The following AKAP9 variants were observed in gnomAD, a reference collection of about 807,000 sequenced individuals.
AKAP9 encodes the protein A-kinase anchoring protein 9, also known as A-kinase anchor protein 9.
Under a neutral mutation model 488.5 loss-of-function variants are expected in AKAP9, and 311 were observed. That is an observed-to-expected ratio of 0.64 (90% confidence interval 0.58 to 0.70). The LOEUF (loss-of-function observed/expected upper bound fraction) is 0.70, where lower values mean the gene tolerates loss of function less well. Ranked by LOEUF, AKAP9 falls within the 30% of genes least tolerant of loss-of-function variation. The probability of loss-of-function intolerance (pLI) is 0.00; values close to 1 mark genes in which losing one functional copy is unlikely to be tolerated. For synonymous variants in AKAP9, 1,462 were observed against 1,483.5 expected (o/e 0.99, Z 0.33); for missense variants, 4,215 against 4,374.5 (o/e 0.96, Z 1.03).
At position 92,066,486 on chromosome 7, in the gene AKAP9, A is replaced by C. The variant is rs1205013152; in HGVS notation, c.6270A>C (p.Leu2090=). ...TATTCCAACAGGAAATACAGAAACT[A>C]GAACAGCAACTTAAGGTTGTTCCTC... The part of the protein sequence containing the change: ...RDVFQQEIQK[L]EQQLKVVPRF... The change falls in exon 26 of 50, where the codon CTA becomes CTC. Residue 2090 remains leucine, a synonymous_variant. Coordinates refer to ENST00000356239, the MANE Select transcript of AKAP9 (RefSeq NM_005751.5). 2 of 1,613,478 alleles carry C rather than the reference A, an allele frequency of 1.2e-6. No homozygotes were observed. The highest frequency in any genetic ancestry group is 1.7e-6 in the Non-Finnish European group (2 of 1,179,660).
intron 21 of AKAP9, among the ~76,000 whole-genome samples, chr7:92,047,963 C>T (rs933559005): frequency 1.3e-5 from 2 of 152,056 alleles, no homozygotes; most frequent in South Asian, 2.1e-4. Context: ...TACTGGGGGA[C>T]AGTTAATGGA....
intron 8 of AKAP9, among the ~76,000 whole-genome samples, chr7:92,004,450 C>T (rs1262814967): frequency 6.6e-6 from 1 of 152,196 alleles, no homozygotes; most frequent in African/African-American, 2.4e-5. Context: ...TATCCATGAG[C>T]ATGGAATGTT....
At chr7:92,069,205 T>A (rs952283287) in intron 26 of AKAP9, among the ~76,000 whole-genome samples, 1 of 152,246 alleles carries the variant, frequency 6.6e-6, no homozygotes, top group Admixed American at 6.5e-5. Flanking sequence ...ATATAGTCCA[T>A]AAAAGATTTA....
At chr7:92,091,894 C>T (rs1815703002) in intron 38 of AKAP9, 1 of 151,740 alleles carries the variant, frequency 6.6e-6, no homozygotes, top group Non-Finnish European at 1.5e-5. Context: ...AATGTTATTT[C>T]TGTCTCCTAA....
At chr7:92,103,630 G>C (rs1818001020) in intron 46 of AKAP9, among the ~76,000 whole-genome samples, 1 of 151,282 alleles carries the variant, frequency 6.6e-6, no homozygotes, top group Admixed American at 6.6e-5. Flanking sequence ...GGGAGGTGGA[G>C]CTTGCAGTGA....
In AKAP9 at chr7:92,042,142, G is replaced by C. The variant is rs1806214846; in HGVS notation, c.5014G>C (p.Glu1672Gln). 1 of 1,613,894 alleles carries C rather than the reference G, an allele frequency of 6.2e-7. No individual in the cohort carries two copies. The highest frequency in any genetic ancestry group is 1.3e-5 in the African/African-American group (1 of 74,932). Residue 1672 changes from glutamate (E) to glutamine (Q), a missense_variant, in exon 19 of 50, where the codon GAG (glutamate) becomes CAG (glutamine). By Grantham distance (29) the Glu-to-Gln change is conservative. Coordinates refer to ENST00000356239, the MANE Select transcript of AKAP9 (RefSeq NM_005751.5). Reference protein sequence around the residue: ...ALKQLSLAGREKLCCELRNSS... With the variant: ...ALKQLSLAGRQKLCCELRNSS... The stretch of plus-strand genomic sequence containing the variant: ...AAAGCAGCTGTCTTTAGCTGGAAGA[G>C]AGAAGCTGTGTTGTGAGCTGCGCAA...
At chr7:92,103,571 T>C (rs1817984246) in intron 46 of AKAP9, among the ~76,000 whole-genome samples, 1 of 151,528 alleles carries the variant, frequency 6.6e-6, no homozygotes, top group South Asian at 2.1e-4. Context: ...GGCGGGTGCC[T>C]GTAGTCCCAG....
chr7:92,018,395 A>AACACACACACACACACACAC (rs56394853), intron 12 of AKAP9, among the ~76,000 whole-genome samples: 25 of 120,686 alleles, frequency 2.1e-4, no homozygotes, highest in East Asian at 1.5e-3. Context: ...CTAAAAATAT[A>AACACACACACACACACACAC]ACACACACAC....
chr7:92,011,058 C>T (rs537114310), intron 8 of AKAP9, among the ~76,000 whole-genome samples: 231 of 152,068 alleles, frequency 1.5e-3, no homozygotes, highest in African/African-American at 5.3e-3. Flanking sequence ...ATTTCTTAAC[C>T]GCAGTAATTG....
intron 1 of AKAP9, among the ~76,000 whole-genome samples, chr7:91,963,481 GTCACAC>G (rs1398618419): frequency 8.6e-6 from 1 of 115,640 alleles, no homozygotes; most frequent in Non-Finnish European, 1.8e-5. Context: ...TAACATATTT[GTCACAC>G]ACACACACAC....
intron 22 of AKAP9, among the ~76,000 whole-genome samples, chr7:92,054,946 G>C (rs1808543264): frequency 6.6e-6 from 1 of 152,000 alleles, no homozygotes; most frequent in South Asian, 2.1e-4. Context: ...TTATCTTTGA[G>C]AGTGTGGTTT....
intron 38 of AKAP9, among the ~76,000 whole-genome samples, chr7:92,091,804 A>C (rs1428132847): frequency 6.6e-6 from 1 of 152,188 alleles, no homozygotes; most frequent in Non-Finnish European, 1.5e-5. Flanking sequence ...TTAATGTCAC[A>C]GATTCACATT....
chr7:91,963,136 A>T (rs201173207), intron 1 of AKAP9, among the ~76,000 whole-genome samples: 2 of 152,272 alleles, frequency 1.3e-5, no homozygotes, highest in East Asian at 3.9e-4. Flanking sequence ...CCATTTACAG[A>T]TAATATATTT....
Position 92,102,736 on chromosome 7 carries a change from C to T in AKAP9, c.11240C>T (p.Pro3747Leu), listed in dbSNP as rs373321787. 2.2e-5 allele frequency: 36 copies of T among 1,614,046 alleles called. No individual in the cohort carries two copies. The highest frequency in any genetic ancestry group is 2.9e-5 in the Non-Finnish European group (34 of 1,180,030). ...CTGCTTGCCCGGATGGGGGGGCAGC[C>T]AGCTTTCACGGATCTAGAGGTGATC... ...LALLARMGGQ[P>L]AFTDLEVITN... The change falls in exon 46 of 50, where the codon CCA (proline) becomes CTA (leucine). Residue 3747 changes from proline (P) to leucine (L), a missense_variant. Physicochemically the swap from Pro to Leu is moderately conservative, Grantham distance 98. Transcript: ENST00000356239.
At chr7:91,973,547 A>C in intron 1 of AKAP9, 164 bp from the exon 2 acceptor site, 3 of 736,594 alleles carry the variant, frequency 4.1e-6, no homozygotes, top group Non-Finnish European at 6.6e-6. Flanking sequence ...GTTTCTTTGC[A>C]TTCCAGTAGT....
At chr7:92,018,439 C>CAG (rs1801849290) in intron 12 of AKAP9, among the ~76,000 whole-genome samples, 1 of 60,972 alleles carries the variant, frequency 1.6e-5, no homozygotes, top group Non-Finnish European at 3.7e-5. Flanking sequence ...CACACACACA[C>CAG]ACAGAGAAAT....
At position 92,098,209 on chromosome 7, in the gene AKAP9, G is replaced by A; in HGVS notation, c.10708G>A (p.Glu3570Lys). The change falls in exon 43 of 50, where the codon GAA becomes AAA. Residue 3570 changes from glutamate to lysine, a missense_variant. This residue lies in a region of AKAP9 where 1,476 missense variants were observed against 1,477.4 expected (regional missense o/e 1.00). Transcript: ENST00000356239. The part of the protein sequence containing the change: ...QLQKLTGQQG[E>K]EPSLVSPSTS... Reference sequence around the variant, plus strand: ...ACAGAAATTAACTGGCCAGCAAGGTGAAGAGGTAATACTTTTTAAAAGTTA... The same window carrying A: ...ACAGAAATTAACTGGCCAGCAAGGTAAAGAGGTAATACTTTTTAAAAGTTA... 6.3e-7 allele frequency: 1 copy of A among 1,588,982 alleles called. No individual in the cohort carries two copies. Among genetic ancestry groups the A allele is most frequent in the Non-Finnish European group, 8.6e-7 (1 of 1,157,570 alleles).
chr7:91,957,978 T>C (rs945769666), intron 1 of AKAP9, among the ~76,000 whole-genome samples: 5 of 152,184 alleles, frequency 3.3e-5, no homozygotes, highest in Non-Finnish European at 5.9e-5. Flanking sequence ...GCAGAGATTA[T>C]GATCCCAAGG....
intron 33 of AKAP9, among the ~76,000 whole-genome samples, chr7:92,084,383 A>G (rs1814133869): frequency 6.6e-6 from 1 of 152,144 alleles, no homozygotes; most frequent in African/African-American, 2.4e-5. Context: ...TTTCCATTGC[A>G]TAGAGTTAAA....
Sources: allele counts gnomAD v4.1 joint callset (sites outside exome capture counted in the v4.1 genomes callset), GRCh38; gene constraint gnomAD v4.1.1; regional missense constraint gnomAD v4.1.1; transcripts MANE v1.5; gene names NCBI Gene and HGNC (gene_info 2026-07-23, HGNC 2026-07-21).